PRCP: variants seen among roughly 807,000 people sequenced by gnomAD.
The protein encoded by PRCP is prolylcarboxypeptidase, also known as lysosomal Pro-X carboxypeptidase.
PRCP carries 46 observed loss-of-function variants against 54.2 expected under a neutral mutation model. The ratio of observed to expected loss-of-function variants is 0.85; its 90% confidence interval spans 0.67 to 1.09. The LOEUF is 1.09. PRCP is among the 50% of genes least tolerant of loss of function. The pLI, the probability that PRCP is intolerant of heterozygous loss-of-function variation, is 0.00. For missense variants in PRCP, 613 were observed against 596.8 expected, an observed-to-expected ratio of 1.03 and a Z score of -0.28; for synonymous variants, 240 against 212.2, an observed-to-expected ratio of 1.13 and a Z score of -1.14.
At chr11:82,861,562 C>T (rs1322035382) in intron 1 of PRCP, among the ~76,000 whole-genome samples, 2 of 151,898 alleles carry the variant, frequency 1.3e-5, no homozygotes, top group Non-Finnish European at 2.9e-5. Context: ...TCATGTGGCA[C>T]AACATGAAGC....
chr11:82,830,625 C>G (rs1858355059), intron 8 of PRCP: 1 of 70,834 alleles, frequency 1.4e-5, no homozygotes, highest in Admixed American at 2.3e-4. Context: ...AAGACTCCAT[C>G]TCAAAAAAAA....
chr11:82,867,659 G>A (rs939949826), intron 1 of PRCP, among the ~76,000 whole-genome samples: 1 of 152,148 alleles, frequency 6.6e-6, no homozygotes, highest in Non-Finnish European at 1.5e-5. Flanking sequence ...TAAATTTTAG[G>A]AAATGACACA....
At chr11:82,833,663 A>G (rs1490285037) in intron 8 of PRCP, among the ~76,000 whole-genome samples, 2 of 152,146 alleles carry the variant, frequency 1.3e-5, no homozygotes, top group Non-Finnish European at 2.9e-5. Context: ...CATTCAACAA[A>G]TATTTTTTGA....
At chr11:82,844,818 T>C (rs1217690798) in intron 6 of PRCP, among the ~76,000 whole-genome samples, 1 of 150,724 alleles carries the variant, frequency 6.6e-6, no homozygotes, top group Non-Finnish European at 1.5e-5. Context: ...TTCCAACCAC[T>C]GTAACTATAT....
intron 1 of PRCP, among the ~76,000 whole-genome samples, chr11:82,875,862 C>G (rs1198387482): frequency 3.3e-5 from 5 of 152,272 alleles, no homozygotes; most frequent in Admixed American, 2.6e-4. Context: ...TCTTTTCCAG[C>G]CTCGTCTTCT....
chr11:82,827,545 A>G (rs1858267290), intron 8 of PRCP: 1 of 152,134 alleles, frequency 6.6e-6, no homozygotes, highest in African/African-American at 2.4e-5. Context: ...TTGTCTTGCC[A>G]CTTTTGTTAA....
chr11:82,882,737 C>T (rs921892195), intron 1 of PRCP, among the ~76,000 whole-genome samples: 9 of 147,810 alleles, frequency 6.1e-5, no homozygotes, highest in Non-Finnish European at 1.0e-4. Flanking sequence ...CCTCGTGATC[C>T]GCCCGCCTCG....
Position 82,899,261 on chromosome 11 carries a change from C to G in PRCP, c.168+974G>C, listed in dbSNP as rs891592905. ...TATTATATGAGTGCCTACTTGAAGCCAGATACTCTGCTAAGAGTACGTTAT... is the reference window on the plus strand; with the variant it reads ...TATTATATGAGTGCCTACTTGAAGCGAGATACTCTGCTAAGAGTACGTTAT... On this transcript the variant is annotated intron_variant, in intron 1 of 8. Transcript: ENST00000313010. 2.6e-5 allele frequency among the ~76,000 whole-genome samples: 4 copies of G among 152,204 alleles called. No homozygotes were observed. The East Asian group carries it at 7.7e-4, about 29-fold the overall frequency.
At chr11:82,858,237 T>C (rs1395802710) in intron 2 of PRCP, 2 of 152,228 alleles carry the variant, frequency 1.3e-5, no homozygotes, top group African/African-American at 4.8e-5. Flanking sequence ...TATTACTGTA[T>C]CCATTTAACA....
rs1206039883 is a variant in PRCP at position 82,849,062 on chromosome 11, G to A, written c.908C>T (p.Ala303Val). ...TTTTCCTATTACCTTGATAGGCCAA[G>A]CAGGCAAAGGCTGTAAAAAGTTAGA... ...YASNFLQPLP[A>V]WPIKVVCQYL... Residue 303 changes from alanine (A) to valine (V), a missense_variant, in exon 6 of 9, where the codon GCT becomes GTT. Ala to Val is a moderately conservative substitution (Grantham distance 64). Coordinates refer to ENST00000313010, the MANE Select transcript of PRCP (RefSeq NM_005040.4). 5.0e-6 allele frequency: 8 copies of A among 1,612,716 alleles called. No individual in the cohort carries two copies. The highest frequency in any genetic ancestry group is 1.1e-5 in the South Asian group (1 of 90,780).
intron 1 of PRCP, among the ~76,000 whole-genome samples, chr11:82,863,033 T>C (rs1434657790): frequency 6.6e-6 from 1 of 152,192 alleles, no homozygotes; most frequent in Non-Finnish European, 1.5e-5. Context: ...ATTCAATTAG[T>C]ACAGTGGTTC....
intron 1 of PRCP, 55 bp downstream of exon 1, chr11:82,900,180 G>C (rs1171016109): frequency 1.3e-6 from 2 of 1,594,192 alleles, no homozygotes; most frequent in Non-Finnish European, 1.7e-6. Context: ...GGGCTCTGAG[G>C]GTCAGGGTTC....
At chr11:82,841,988 A>C (rs1014548505) in intron 6 of PRCP, among the ~76,000 whole-genome samples, 9 of 152,218 alleles carry the variant, frequency 5.9e-5, no homozygotes, top group Non-Finnish European at 2.9e-5. Context: ...CATGGAATGC[A>C]GAGAAGCGCC....
chr11:82,872,938 A>T (rs1029367663), intron 1 of PRCP, among the ~76,000 whole-genome samples: 5 of 152,184 alleles, frequency 3.3e-5, no homozygotes, highest in African/African-American at 1.2e-4. Context: ...GAGAGATAAG[A>T]TCAGTGGTGA....
In PRCP at chr11:82,900,378, G is replaced by T. The variant is rs968529490; in HGVS notation, c.25C>A (p.Leu9Met). 6.2e-7 allele frequency: 1 copy of T among 1,613,714 alleles called. No individual in the cohort carries two copies. Among genetic ancestry groups the T allele is most frequent in the Admixed American group, 1.7e-5 (1 of 59,980 alleles). The part of the protein sequence containing the change: MGRRALLL[L>M]LLSFLAPWAT... ...CAGGGCGCCAGAAAAGACAGAAGCA[G>T]GAGCAGGAGGGCTCGGCGGCCCATG... Residue 9 changes from leucine (L) to methionine (M), a missense_variant, in exon 1 of 9, where the codon CTG becomes ATG. Coordinates refer to ENST00000313010, the MANE Select transcript of PRCP (RefSeq NM_005040.4).
intron 1 of PRCP, among the ~76,000 whole-genome samples, chr11:82,880,824 G>A (rs1036947452): frequency 1.4e-5 from 2 of 138,008 alleles, no homozygotes; most frequent in African/African-American, 5.4e-5. Flanking sequence ...TTTCCCATCT[G>A]CCCTTATGGA....
At chr11:82,832,839 T>A (rs1460042099) in intron 8 of PRCP, among the ~76,000 whole-genome samples, 2 of 152,216 alleles carry the variant, frequency 1.3e-5, no homozygotes, top group Non-Finnish European at 2.9e-5. Context: ...CTAGTGGTCA[T>A]GAAGTACACA....
intron 8 of PRCP, among the ~76,000 whole-genome samples, chr11:82,834,415 G>A (rs936006063): frequency 6.6e-6 from 1 of 152,182 alleles, no homozygotes; most frequent in African/African-American, 2.4e-5. Context: ...CACTTTATAA[G>A]ACTGAGCTGA....
At chr11:82,867,470 T>C (rs552243724) in intron 1 of PRCP, among the ~76,000 whole-genome samples, 32 of 152,248 alleles carry the variant, frequency 2.1e-4, no homozygotes, top group African/African-American at 7.0e-4. Context: ...TTTTGACAAA[T>C]AACAGTTAAG....
Sources: allele counts gnomAD v4.1 joint callset (sites outside exome capture counted in the v4.1 genomes callset), GRCh38; gene constraint gnomAD v4.1.1; transcripts MANE v1.5; gene names NCBI Gene and HGNC (gene_info 2026-07-23, HGNC 2026-07-21).